The following IL1RAPL1 variants were observed in gnomAD, a reference collection of about 807,000 sequenced individuals.
The protein encoded by IL1RAPL1 is interleukin 1 receptor accessory protein like 1.
Under a neutral mutation model 48.4 loss-of-function variants are expected in IL1RAPL1, and 3 were observed. The observed-to-expected ratio is 0.06, with a 90% CI of 0.03 to 0.16. The LOEUF is 0.16. Ranked by LOEUF, IL1RAPL1 falls within the 10% of genes least tolerant of loss-of-function variation. The pLI is 1.00. For synonymous variants in IL1RAPL1, 185 were observed against 187.7 expected (o/e 0.99, Z 0.12); for missense variants, 349 against 530.6 (o/e 0.66, Z 3.36).
At chrX:29,763,824 G>A (rs1435230566) in intron 6 of IL1RAPL1, among the ~76,000 whole-genome samples, 2 of 109,620 alleles carry the variant, frequency 1.8e-5, no homozygotes, top group South Asian at 7.7e-4. Context: ...CAGATTAATA[G>A]TATATAATAC....
chrX:28,839,426 G>C (rs369343827), intron 2 of IL1RAPL1, among the ~76,000 whole-genome samples: 2 of 110,393 alleles, frequency 1.8e-5, no homozygotes, highest in African/African-American at 3.3e-5. Context: ...TCATGATTTA[G>C]ATGGACTTTA....
chrX:29,653,938 T>TTATTTATG (rs1237965474), intron 5 of IL1RAPL1, among the ~76,000 whole-genome samples: 1 of 108,489 alleles, frequency 9.2e-6, no homozygotes, highest in East Asian at 2.8e-4. Context: ...ATTTATTTAT[T>TTATTTATG]TATTTTTTGG....
intron 6 of IL1RAPL1, among the ~76,000 whole-genome samples, chrX:29,745,443 T>TTTG (rs1928310372): frequency 1.2e-5 from 1 of 81,663 alleles, no homozygotes; most frequent in African/African-American, 4.6e-5. Flanking sequence ...TTTTTTTTTT[T>TTTG]TTTTTTTTTT....
At chrX:29,595,187 C>G (rs1451714433) in intron 5 of IL1RAPL1, among the ~76,000 whole-genome samples, 4 of 112,182 alleles carry the variant, frequency 3.6e-5, no homozygotes, top group African/African-American at 1.3e-4. Flanking sequence ...GCAAATTGTG[C>G]TGCTATAAAC....
chrX:29,408,589 A>C (rs936768098), intron 5 of IL1RAPL1, among the ~76,000 whole-genome samples: 1 of 111,901 alleles, frequency 8.9e-6, no homozygotes, highest in Non-Finnish European at 1.9e-5. Flanking sequence ...AAAAGAAGCA[A>C]AAAGAATGAG....
At chrX:28,739,136 A>T (rs1935878809) in intron 1 of IL1RAPL1, among the ~76,000 whole-genome samples, 1 of 110,794 alleles carries the variant, frequency 9.0e-6, no homozygotes, top group African/African-American at 3.3e-5. Flanking sequence ...CTCTACCTGG[A>T]ATGTTCTTTT....
intron 2 of IL1RAPL1, among the ~76,000 whole-genome samples, chrX:29,256,380 C>A (rs1931758708): frequency 1.8e-5 from 2 of 111,336 alleles, no homozygotes; most frequent in Admixed American, 1.9e-4. Flanking sequence ...GCAAATTAAT[C>A]ATATAAAAGG....
intron 2 of IL1RAPL1, among the ~76,000 whole-genome samples, chrX:29,121,004 T>C (rs1211488326): frequency 8.9e-6 from 1 of 112,054 alleles, no homozygotes; most frequent in Non-Finnish European, 1.9e-5. Context: ...ATCTTATCAA[T>C]AGAGGCAGAA....
At chrX:29,265,250 C>A (rs1005683078) in intron 2 of IL1RAPL1, among the ~76,000 whole-genome samples, 7 of 108,873 alleles carry the variant, frequency 6.4e-5, no homozygotes, top group Non-Finnish European at 9.5e-5. Flanking sequence ...CTACCTTTAA[C>A]TTATGAATAT....
intron 2 of IL1RAPL1, among the ~76,000 whole-genome samples, chrX:29,240,212 ATATATATATATATTTTT>A (rs1325218240): frequency 2.1e-5 from 1 of 48,410 alleles, no homozygotes; most frequent in African/African-American, 1.7e-4. Flanking sequence ...ATATATATAT[ATATATATATATATTTTT>A]TTTTTTTTTT....
At chrX:28,601,216 C>T (rs1219352036) in intron 1 of IL1RAPL1, among the ~76,000 whole-genome samples, 3 of 110,723 alleles carry the variant, frequency 2.7e-5, no homozygotes, top group Non-Finnish European at 3.8e-5. Flanking sequence ...GTAAAGAGAT[C>T]GAGACCATCC....
chrX:28,793,846 T>C lies in IL1RAPL1; in HGVS notation c.82+4421T>C, dbSNP rs150908134. ...CCATGATGTTTTTCTCTCAAAAACA[T>C]CCTCAGAATATAAGATGGTGAGTGC... On this transcript the variant is annotated intron_variant, in intron 2 of 10. Coordinates refer to ENST00000378993, the MANE Select transcript of IL1RAPL1 (RefSeq NM_014271.4). Among the ~76,000 whole-genome samples, 36 of 111,086 alleles carry C rather than the reference T, an allele frequency of 3.2e-4. No homozygotes were observed. The East Asian group carries it at 6.6e-3, about 20-fold the overall frequency.
chrX:29,812,009 A>G (rs1261622621), intron 6 of IL1RAPL1, among the ~76,000 whole-genome samples: 1 of 112,079 alleles, frequency 8.9e-6, no homozygotes, highest in Non-Finnish European at 1.9e-5. Flanking sequence ...ATAAATGACA[A>G]TATTGATAAG....
chrX:29,627,108 G>A (rs1208335814), intron 5 of IL1RAPL1, among the ~76,000 whole-genome samples: 3 of 112,161 alleles, frequency 2.7e-5, no homozygotes, highest in Non-Finnish European at 3.8e-5. Context: ...GTAGGCAACA[G>A]TGAATAAATA....
At chrX:29,504,731 A>G (rs1436574157) in intron 5 of IL1RAPL1, among the ~76,000 whole-genome samples, 6 of 112,363 alleles carry the variant, frequency 5.3e-5, no homozygotes, top group Non-Finnish European at 1.1e-4. Context: ...TATCTTTATA[A>G]ATGAAGTGGA....
At chrX:29,504,233 G>A (rs1036301247) in intron 5 of IL1RAPL1, among the ~76,000 whole-genome samples, 1 of 111,239 alleles carries the variant, frequency 9.0e-6, no homozygotes, top group Admixed American at 9.6e-5. Context: ...ATTTGTTGAG[G>A]CTTGTTTTGT....
chrX:28,888,259 T>TA (rs11388171), intron 2 of IL1RAPL1, among the ~76,000 whole-genome samples: 14,886 of 94,303 alleles, frequency 0.16, 990 homozygotes, highest in East Asian at 0.38. Context: ...CACGTACTGG[T>TA]AAAAAAAAAA....
At chrX:29,332,615 T>C (rs1932896565) in intron 3 of IL1RAPL1, among the ~76,000 whole-genome samples, 1 of 87,605 alleles carries the variant, frequency 1.1e-5, no homozygotes. Context: ...ATATTTTATT[T>C]ATTTATTTAT....
In IL1RAPL1 at chrX:29,049,286, T is replaced by C. The variant is rs185414359; in HGVS notation, c.83-233652T>C. On this transcript the variant is annotated intron_variant, in intron 2 of 10. Coordinates refer to ENST00000378993, the MANE Select transcript of IL1RAPL1 (RefSeq NM_014271.4). Reference sequence around the variant, plus strand: ...ACCTTGGTATAATGTTCCCTCCGCTTCTTTCTAACAAGTCACATTTTGCCT... The same window carrying C: ...ACCTTGGTATAATGTTCCCTCCGCTCCTTTCTAACAAGTCACATTTTGCCT... 4.4e-5 allele frequency among the ~76,000 whole-genome samples: 5 copies of C among 112,665 alleles called. No individual in the cohort carries two copies. The East Asian group carries it at 1.4e-3, about 31-fold the overall frequency.
Sources: allele counts gnomAD v4.1 joint callset (sites outside exome capture counted in the v4.1 genomes callset), GRCh38; gene constraint gnomAD v4.1.1; transcripts MANE v1.5; gene names NCBI Gene and HGNC (gene_info 2026-07-23, HGNC 2026-07-21).